RRH: variants seen among roughly 807,000 people sequenced by gnomAD.
RRH encodes the protein visual pigment-like receptor peropsin.
A neutral mutation model predicts 33.1 loss-of-function variants in RRH; 36 were observed. That is an observed-to-expected ratio of 1.09 (90% CI 0.83 to 1.44). RRH has a LOEUF of 1.44. Among genes scored for constraint, RRH ranks in the 40% most tolerant of loss-of-function variants. The pLI is 0.00. For synonymous variants in RRH, 124 were observed against 140.2 expected (o/e 0.88, Z 0.82); for missense variants, 393 against 420.2 (o/e 0.94, Z 0.57).
intron 5 of RRH, among the ~76,000 whole-genome samples, chr4:109,838,437 C>T (rs1425539892): frequency 1.3e-5 from 2 of 152,150 alleles, no homozygotes; most frequent in East Asian, 3.9e-4. Context: ...GGCCTCCCTT[C>T]ATCACCAGCT....
At chr4:109,828,728 T>C (rs1212544541) in intron 1 of RRH, among the ~76,000 whole-genome samples, 1 of 152,104 alleles carries the variant, frequency 6.6e-6, no homozygotes, top group East Asian at 1.9e-4. Context: ...GTTTTGGATT[T>C]CATCTTTTAG....
chr4:109,841,901 T>C (rs993546339), intron 5 of RRH, among the ~76,000 whole-genome samples: 1 of 152,190 alleles, frequency 6.6e-6, no homozygotes, highest in African/African-American at 2.4e-5. Context: ...AGATCTCCTT[T>C]ACAAAATTGT....
chr4:109,833,040 T>C (rs1733791471), intron 1 of RRH, 99 bp from the exon 2 acceptor site: 1 of 928,502 alleles, frequency 1.1e-6, no homozygotes, highest in Admixed American at 1.9e-5. Flanking sequence ...CTAAAATAGA[T>C]CTGTTATGTT....
At chr4:109,828,524 A>G (rs1733684846) in intron 1 of RRH, among the ~76,000 whole-genome samples, 2 of 152,122 alleles carry the variant, frequency 1.3e-5, no homozygotes, top group African/African-American at 4.8e-5. Flanking sequence ...GCACCATGGC[A>G]AAAACATATT....
chr4:109,829,165 T>C (rs1027830929), intron 1 of RRH, among the ~76,000 whole-genome samples: 1 of 82,732 alleles, frequency 1.2e-5, no homozygotes, highest in Non-Finnish European at 2.4e-5. Context: ...CACCATCCTA[T>C]ACCCAGTTTA....
intron 5 of RRH, among the ~76,000 whole-genome samples, chr4:109,838,491 T>C (rs1733929868): frequency 7.5e-6 from 1 of 134,014 alleles, no homozygotes; most frequent in Non-Finnish European, 1.6e-5. Flanking sequence ...CCCTGTTTTC[T>C]GGAATGCTTG....
intron 2 of RRH, 133 bp downstream of exon 2, chr4:109,833,462 C>A: frequency 1.4e-6 from 1 of 720,796 alleles, no homozygotes; most frequent in Non-Finnish European, 2.4e-6. Context: ...TGGAAAACAA[C>A]AGAAGTGACT....
intron 1 of RRH, among the ~76,000 whole-genome samples, chr4:109,831,285 C>G (rs1733745553): frequency 1.3e-5 from 2 of 152,132 alleles, no homozygotes; most frequent in African/African-American, 4.8e-5. Flanking sequence ...ATCCTAGATG[C>G]TAAAAATAGG....
rs201095132 is a variant in RRH, at chr4:109,844,087, C to T, written c.904C>T (p.Arg302Trp). The change falls in exon 7 of 7, where the codon CGG (arginine) becomes TGG (tryptophan). Residue 302 changes from arginine to tryptophan, a missense_variant. Physicochemically the swap from Arg to Trp is moderately radical, Grantham distance 101. Transcript: ENST00000317735. ...ATTTTCCTTTTTTTATCGTAGGTTT[C>T]GGAGGGCAATGCTTGCCATGTTCAA... ...CIYVVANKKF[R>W]RAMLAMFKCQ... The T allele has an allele frequency of 2.7e-5, 43 of 1,608,122 alleles. No homozygotes were observed. In the Admixed American group the frequency reaches 3.8e-4, roughly 14 times the overall value.
chr4:109,828,223 A>G (rs1371405981), intron 1 of RRH, 90 bp downstream of exon 1: 7 of 884,204 alleles, frequency 7.9e-6, no homozygotes, highest in Non-Finnish European at 9.3e-6. Flanking sequence ...TTCAAGTTCC[A>G]TATTATTGGC....
chr4:109,836,048 G>A lies in RRH; in HGVS notation c.439G>A (p.Gly147Arg). 6.2e-7 allele frequency: 1 copy of A among 1,614,168 alleles called. No homozygotes were observed. Among genetic ancestry groups the A allele is most frequent in the Middle Eastern group, 1.6e-4 (1 of 6,062 alleles). The change falls in exon 4 of 7, where the codon GGA becomes AGA. Residue 147 changes from glycine (G) to arginine (R), a missense_variant. By Grantham distance (125) the Gly-to-Arg change is moderately radical. Coordinates refer to ENST00000317735, the MANE Select transcript of RRH (RefSeq NM_006583.5). ...TTNTYIGLIL[G>R]AWINGLFWAL... is the part of the protein sequence containing the mutation. ...CAACACTTACATCGGCTTGATTCTG[G>A]GAGCCTGGATCAATGGCCTGTTTTG...
intron 5 of RRH, among the ~76,000 whole-genome samples, chr4:109,840,984 T>G (rs1419276259): frequency 6.6e-6 from 1 of 152,000 alleles, no homozygotes; most frequent in South Asian, 2.1e-4. Context: ...ATCAAAAAAA[T>G]TTTTTTTCTA....
intron 1 of RRH, among the ~76,000 whole-genome samples, chr4:109,831,248 C>T (rs778469371): frequency 9.2e-5 from 14 of 152,040 alleles, no homozygotes; most frequent in African/African-American, 1.2e-4. Flanking sequence ...TTAAATTCTT[C>T]GGAGTATATC....
intron 1 of RRH, among the ~76,000 whole-genome samples, chr4:109,831,799 C>T (rs1397821105): frequency 6.6e-6 from 1 of 152,080 alleles, no homozygotes; most frequent in Non-Finnish European, 1.5e-5. Context: ...TGTTATCCCA[C>T]AGCCAGTGGG....
rs758299437 is a variant in RRH at position 109,844,206 on chromosome 4, A to G, written c.*9A>G. On this transcript the variant is annotated 3_prime_UTR_variant, in exon 7 of 7. Coordinates refer to ENST00000317735, the MANE Select transcript of RRH (RefSeq NM_006583.5). ...CTTCTGGAAGAATCTGAAATAAGAT[A>G]AAAGGACACACTATCAAAACACTTT... 2.0e-4 allele frequency: 312 copies of G among 1,537,544 alleles called. 1 individual carries two copies. The highest frequency in any genetic ancestry group is 2.6e-4 in the Non-Finnish European group (287 of 1,110,834).
intron 3 of RRH, 131 bp from the exon 4 acceptor site, chr4:109,835,876 G>A (rs2125893183): frequency 2.0e-6 from 2 of 1,019,830 alleles, no homozygotes. Flanking sequence ...TTGCACTCAT[G>A]TTTTGGCTCC....
chr4:109,832,257 C>T lies in RRH; in HGVS notation c.107-882C>T, dbSNP rs114222992. On this transcript the variant is annotated intron_variant, in intron 1 of 6. Transcript: ENST00000317735. ...ATGTTGAACATGCACATCCAGTACA[C>T]TCGACAGTATTTCTCAGTGTAAAAT... 2.6e-3 allele frequency among the ~76,000 whole-genome samples: 391 copies of T among 148,566 alleles called. 1 individual carries two copies. Among genetic ancestry groups the T allele is most frequent in the African/African-American group, 9.2e-3 (366 of 39,980 alleles).
At position 109,844,171 on chromosome 4, in the gene RRH, A is replaced by C; in HGVS notation, c.988A>C (p.Asn330His). 6.2e-7 allele frequency: 1 copy of C among 1,612,026 alleles called. No individual in the cohort carries two copies. Among genetic ancestry groups the C allele is most frequent in the Non-Finnish European group, 8.5e-7 (1 of 1,178,114 alleles). ...TATTTTACCCATGGATGTATCTCAA[A>C]ACCCATTGGCTTCTGGAAGAATCTG... ...TSILPMDVSQ[N>H]PLASGRI is the part of the protein sequence containing the mutation. Residue 330 changes from asparagine (N) to histidine (H), a missense_variant, in exon 7 of 7, where the codon AAC (asparagine) becomes CAC (histidine). Physicochemically the swap from Asn to His is moderately conservative, Grantham distance 68 (BLOSUM62 1). Transcript: ENST00000317735.
chr4:109,830,679 G>C (rs1157664887), intron 1 of RRH, among the ~76,000 whole-genome samples: 2 of 152,126 alleles, frequency 1.3e-5, no homozygotes, highest in Admixed American at 6.6e-5. Context: ...ACATGGGTTT[G>C]AGTGTCCGGA....
Sources: allele counts gnomAD v4.1 joint callset (sites outside exome capture counted in the v4.1 genomes callset), GRCh38; gene constraint gnomAD v4.1.1; transcripts MANE v1.5; gene names NCBI Gene and HGNC (gene_info 2026-07-23, HGNC 2026-07-21).